Variants in PLXNA4 observed in about 807,000 individuals in gnomAD.
PLXNA4 encodes plexin-A4.
Under a neutral mutation model 191.8 loss-of-function variants are expected in PLXNA4, and 44 were observed. The observed-to-expected ratio is 0.23, with a 90% CI of 0.18 to 0.29. PLXNA4 has a LOEUF of 0.29. Among genes scored for constraint, PLXNA4 ranks in the 10% least tolerant of loss-of-function variants. The pLI, the probability that PLXNA4 is intolerant of heterozygous loss-of-function variation, is 1.00. For missense variants in PLXNA4, 1,800 were observed against 2,488.8 expected (o/e 0.72, Z 5.89); for synonymous variants, 1,082 against 1,009.5 (o/e 1.07, Z -1.36).
chr7:132,176,477 T>C (rs567544158), intron 20 of PLXNA4, among the ~76,000 whole-genome samples: 1 of 152,308 alleles, frequency 6.6e-6, no homozygotes, highest in South Asian at 2.1e-4. Flanking sequence ...TGCATGAGCA[T>C]AGGTGTGGGT....
chr7:132,313,753 A>G (rs1025389354), intron 3 of PLXNA4, among the ~76,000 whole-genome samples: 4 of 152,168 alleles, frequency 2.6e-5, no homozygotes, highest in Non-Finnish European at 5.9e-5. Flanking sequence ...CAATTGAGTC[A>G]CTGTCATTTT....
At chr7:132,619,218 T>G (rs1377865966) in intron 2 of PLXNA4, among the ~76,000 whole-genome samples, 2 of 152,184 alleles carry the variant, frequency 1.3e-5, no homozygotes, top group Non-Finnish European at 1.5e-5. Context: ...CTTTTCCAGA[T>G]AGTATCAAGC....
chr7:132,132,181 C>T (rs1794947398), intron 31 of PLXNA4, among the ~76,000 whole-genome samples: 1 of 152,222 alleles, frequency 6.6e-6, no homozygotes, highest in African/African-American at 2.4e-5. Context: ...CCTGCACATG[C>T]CTGTGTCTTC....
Position 132,198,486 on chromosome 7 carries a change from G to T in PLXNA4, c.2737C>A (p.Gln913Lys). 6.2e-7 allele frequency: 1 copy of T among 1,613,920 alleles called. No homozygotes were observed. Among genetic ancestry groups the T allele is most frequent in the East Asian group, 2.2e-5 (1 of 44,878 alleles). Reference sequence around the variant, plus strand: ...TGTGTTGCATGCAGCTTCACTTACTGTTCTGCAGGGATGTAACCATCCACT... The same window carrying T: ...TGTGTTGCATGCAGCTTCACTTACTTTTCTGCAGGGATGTAACCATCCACT... ...PLVDGYIPAEQIVCEMGEAKP... is the reference protein window; with the variant it reads ...PLVDGYIPAEKIVCEMGEAKP... The change falls in exon 13 of 32, where the codon CAG (glutamine) becomes AAG (lysine). Residue 913 changes from glutamine to lysine, a missense_variant and splice_region_variant. By Grantham distance (53) the Gln-to-Lys change is moderately conservative. Around this residue, in one of 6 missense-constraint regions of PLXNA4, gnomAD observed 1,397 missense variants for 1,880.4 expected, o/e 0.74. Transcript: ENST00000321063.
intron 2 of PLXNA4, among the ~76,000 whole-genome samples, chr7:132,588,989 C>CTTT (rs1360752906): frequency 6.6e-6 from 1 of 151,810 alleles, no homozygotes; most frequent in Admixed American, 6.6e-5. Flanking sequence ...TTTCATGGGA[C>CTTT]TATAAAGATT....
intron 4 of PLXNA4, among the ~76,000 whole-genome samples, chr7:132,242,947 C>T (rs1278904657): frequency 1.3e-5 from 2 of 152,196 alleles, no homozygotes; most frequent in African/African-American, 2.4e-5. Flanking sequence ...GTCATGTAAG[C>T]ATATAAATAG....
chr7:132,465,232 T>C (rs116977205), intron 3 of PLXNA4, among the ~76,000 whole-genome samples: 1 of 152,260 alleles, frequency 6.6e-6, no homozygotes, highest in East Asian at 1.9e-4. Context: ...TTGTGCTGCA[T>C]TGGGTCCCCT....
chr7:132,561,916 C>A (rs1432643323), intron 1 of PLXNA4, among the ~76,000 whole-genome samples: 3 of 143,024 alleles, frequency 2.1e-5, no homozygotes, highest in Non-Finnish European at 3.1e-5. Context: ...TCCTCCTTAT[C>A]CTCCTCCTCA....
intron 3 of PLXNA4, among the ~76,000 whole-genome samples, chr7:132,396,186 T>C (rs734689): frequency 0.068 from 10,392 of 152,228 alleles, 416 homozygotes; most frequent in African/African-American, 0.096. Context: ...GAAAGGACTC[T>C]GGAGACTCAG....
At chr7:132,150,432 C>A (rs567158825) in intron 25 of PLXNA4, among the ~76,000 whole-genome samples, 1 of 152,112 alleles carries the variant, frequency 6.6e-6, no homozygotes, top group Non-Finnish European at 1.5e-5. Flanking sequence ...GGGGAGTATA[C>A]GGCAGTGAGC....
chr7:132,226,381 G>A lies in PLXNA4; in HGVS notation c.1883-121C>T, dbSNP rs948836085. On this transcript the variant is annotated intron_variant, in intron 7 of 31. Transcript: ENST00000321063. ...CCCAGGCGGCTGTTGGCTTAACAGG[G>A]CTCTGACTCAGCAGACCCAGTCCCA... 2.3e-5 allele frequency: 18 copies of A among 769,860 alleles called. No homozygotes were observed. In the African/African-American group the frequency reaches 3.1e-4, roughly 13 times the overall value. 47.7% of individuals were successfully genotyped at this position (769,860 alleles called of 1,614,324 possible). A position where few individuals can be genotyped will look rare whatever the true frequency, so the allele number is the denominator to read the frequency against.
Position 132,345,652 on chromosome 7 carries a change from C to T in PLXNA4, c.1372-47430G>A, listed in dbSNP as rs887347153. The stretch of plus-strand genomic sequence containing the variant: ...TGTGCCAGCCAACACTAGTTGGGAA[C>T]TCCCCTCCAATAACCAGACTACATT... On this transcript the variant is annotated intron_variant, in intron 3 of 31. Transcript: ENST00000321063. 3.9e-5 allele frequency among the ~76,000 whole-genome samples: 6 copies of T among 152,296 alleles called. No individual in the cohort carries two copies. In the South Asian group the frequency reaches 8.3e-4, roughly 21 times the overall value.
At chr7:132,527,744 T>A (rs12535521) in intron 1 of PLXNA4, among the ~76,000 whole-genome samples, 2 of 151,986 alleles carry the variant, frequency 1.3e-5, no homozygotes, top group African/African-American at 4.8e-5. Context: ...TGCCCAGACC[T>A]ATTCCCCATG....
At chr7:132,601,471 A>C (rs1802818760) in intron 2 of PLXNA4, among the ~76,000 whole-genome samples, 1 of 152,182 alleles carries the variant, frequency 6.6e-6, no homozygotes, top group Non-Finnish European at 1.5e-5. Context: ...ACAACTTAAG[A>C]AAGTATAAAG....
rs368936668 is a variant in PLXNA4 at position 132,153,373 on chromosome 7, G to A, written c.4661-4727C>T. Among the ~76,000 whole-genome samples, 6 of 152,286 alleles carry A rather than the reference G, an allele frequency of 3.9e-5. No homozygotes were observed. The East Asian group carries it at 7.7e-4, about 20-fold the overall frequency. On this transcript the variant is annotated intron_variant, in intron 25 of 31. Transcript: ENST00000321063. ...GCTGAGGCCAGGGAGACAGAGCGGG[G>A]AGGGGATAAGGAGAGGAGAGCATTA...
intron 9 of PLXNA4, among the ~76,000 whole-genome samples, chr7:132,213,875 C>T (rs1251304511): frequency 6.6e-6 from 1 of 152,166 alleles, no homozygotes; most frequent in East Asian, 1.9e-4. Context: ...GGAATCTCTT[C>T]CCACCACCTC....
chr7:132,519,200 C>A (rs954750600), intron 1 of PLXNA4, among the ~76,000 whole-genome samples: 2 of 152,198 alleles, frequency 1.3e-5, no homozygotes, highest in African/African-American at 4.8e-5. Flanking sequence ...TCAGATGCCC[C>A]AGCTGGAGTT....
chr7:132,506,190 C>G, intron 2 of PLXNA4, among the ~76,000 whole-genome samples: 2 of 152,294 alleles, frequency 1.3e-5, no homozygotes, highest in South Asian at 4.1e-4. Context: ...TTTCTCCTCC[C>G]TCTTCCCTAT....
At chr7:132,427,165 G>A (rs757679371) in intron 3 of PLXNA4, among the ~76,000 whole-genome samples, 1 of 152,230 alleles carries the variant, frequency 6.6e-6, no homozygotes, top group Non-Finnish European at 1.5e-5. Context: ...CAGGGCAGAG[G>A]GAAGAGCTTC....
Sources: gnomAD v4.1 joint callset for allele counts (sites outside exome capture counted in the v4.1 genomes callset) on GRCh38, gnomAD v4.1.1 for gene constraint, gnomAD v4.1.1 regional missense constraint, MANE v1.5 for transcripts, NCBI Gene and HGNC (gene_info 2026-07-23, HGNC 2026-07-21) for gene names.